The following ARPC2 variants were observed in gnomAD, a reference collection of about 807,000 sequenced individuals.
ARPC2 encodes actin-related protein 2/3 complex subunit 2.
A neutral mutation model predicts 38.6 loss-of-function variants in ARPC2; 4 were observed. The ratio of observed to expected loss-of-function variants is 0.10; its 90% CI spans 0.05 to 0.24. The LOEUF (loss-of-function observed/expected upper bound fraction) is 0.24, where lower values mean the gene tolerates loss of function less well. Ranked by LOEUF, ARPC2 falls within the 10% of genes least tolerant of loss-of-function variation. The pLI is 1.00. For synonymous variants in ARPC2, 125 were observed against 140.8 expected, an observed-to-expected ratio of 0.89 and a Z score of 0.79; for missense variants, 229 against 387.3, an observed-to-expected ratio of 0.59 and a Z score of 3.43.
At chr2:218,217,384 G>A (rs2106139660) in intron 1 of ARPC2, 79 bp from the exon 2 acceptor site, 1 of 1,364,746 alleles carries the variant, frequency 7.3e-7, no homozygotes, top group South Asian at 1.2e-5. Context: ...CCACTCAGGG[G>A]GCAGCAGGGC....
In ARPC2 at chr2:218,254,138, TC is replaced by T; in HGVS notation, c.*224del. 1.9e-6 allele frequency: 1 copy of T among 524,592 alleles called. No homozygotes were observed. The highest frequency in any genetic ancestry group is 3.2e-5 in the East Asian group (1 of 31,704). The allele number at this position is 524,592 out of a possible 1,614,324, so 32.5% of individuals were successfully genotyped here. ...AAAAAAAAAAAAGAATTCCACTTGA[TC>T]AACTTAATTCCTTTTCTTTATCTTC... On this transcript the variant is annotated 3_prime_UTR_variant, in exon 11 of 11. Transcript: ENST00000315717.
intron 5 of ARPC2, among the ~76,000 whole-genome samples, chr2:218,237,375 T>G (rs1411061381): frequency 1.3e-5 from 2 of 151,552 alleles, no homozygotes; most frequent in Non-Finnish European, 2.9e-5. Context: ...AATTTTGTAT[T>G]TTTATTAGAG....
chr2:218,248,165 T>C (rs1690092756), intron 8 of ARPC2, among the ~76,000 whole-genome samples: 2 of 152,194 alleles, frequency 1.3e-5, no homozygotes, highest in Admixed American at 6.5e-5. Flanking sequence ...ATTGGCAGCA[T>C]GTTTCTCTTG....
intron 10 of ARPC2, chr2:218,252,897 CCT>C (rs1450537821): frequency 2.2e-6 from 1 of 456,620 alleles, no homozygotes; most frequent in African/African-American, 2.0e-5. Flanking sequence ...TCATAAGCCT[CCT>C]CTCTGGGACT....
At chr2:218,246,247 G>T (rs988012378) in intron 8 of ARPC2, among the ~76,000 whole-genome samples, 2 of 151,788 alleles carry the variant, frequency 1.3e-5, no homozygotes, top group African/African-American at 4.8e-5. Context: ...TTGAGGCTGG[G>T]TGCGGTGTCT....
chr2:218,223,960 A>G (rs1171676488), intron 2 of ARPC2, among the ~76,000 whole-genome samples: 1 of 152,182 alleles, frequency 6.6e-6, no homozygotes, highest in African/African-American at 2.4e-5. Context: ...ACTCATCGTT[A>G]AGGCACTGAG....
chr2:218,235,279 A>T (rs1348247299), intron 5 of ARPC2: 1 of 161,926 alleles, frequency 6.2e-6, no homozygotes, highest in East Asian at 1.8e-4. Context: ...GGGCTCAAGC[A>T]ATCCTCCCGC....
intron 2 of ARPC2, among the ~76,000 whole-genome samples, chr2:218,219,505 A>G (rs544577343): frequency 5.9e-5 from 9 of 152,002 alleles, no homozygotes; most frequent in Non-Finnish European, 1.3e-4. Context: ...ACGTGCTACC[A>G]CACCTGGCTA....
Position 218,239,437 on chromosome 2 carries a change from G to A in ARPC2, c.502G>A (p.Val168Met). ...KDRVTVVFST[V>M]FKDDDDVVIG... is the part of the protein sequence containing the mutation. The stretch of plus-strand genomic sequence containing the variant: ...CAGAGTCACAGTAGTCTTCAGCACA[G>A]TGTTTAAGGATGACGACGATGTGGT... Residue 168 changes from valine (V) to methionine (M), a missense_variant, in exon 7 of 11, where the codon GTG (valine) becomes ATG (methionine). Physicochemically the swap from Val to Met is conservative, Grantham distance 21 (BLOSUM62 1). Coordinates refer to ENST00000315717, the MANE Select transcript of ARPC2 (RefSeq NM_152862.3). 2 of 1,614,164 alleles carry A rather than the reference G, an allele frequency of 1.2e-6. No homozygotes were observed. The highest frequency in any genetic ancestry group is 1.7e-6 in the Non-Finnish European group (2 of 1,180,004).
intron 2 of ARPC2, among the ~76,000 whole-genome samples, chr2:218,225,213 G>A (rs1487460427): frequency 1.3e-5 from 2 of 152,206 alleles, no homozygotes. Flanking sequence ...CAAAACATGA[G>A]CGTGATGAGA....
chr2:218,235,100 C>T (rs780027701), intron 5 of ARPC2: 2 of 297,552 alleles, frequency 6.7e-6, no homozygotes, highest in Non-Finnish European at 1.3e-5. Context: ...ACTTTGGTAC[C>T]TTGATTAGAA....
At position 218,252,112 on chromosome 2, in the gene ARPC2, A is replaced by T. The variant is rs915079558; in HGVS notation, c.879-1779A>T. Among the ~76,000 whole-genome samples, 6 of 152,096 alleles carry T rather than the reference A, an allele frequency of 3.9e-5. No homozygotes were observed. The East Asian group carries it at 9.7e-4, about 25-fold the overall frequency. On this transcript the variant is annotated intron_variant, in intron 10 of 10. Transcript: ENST00000315717. ...GTAGTGCATGCCTGTAATCCCAGCTACTCTGGAGGCTGAGGCAGGAGAATC... is the reference window on the plus strand; with the variant it reads ...GTAGTGCATGCCTGTAATCCCAGCTTCTCTGGAGGCTGAGGCAGGAGAATC...
intron 7 of ARPC2, among the ~76,000 whole-genome samples, chr2:218,241,003 C>T (rs1689900115): frequency 6.6e-6 from 1 of 152,168 alleles, no homozygotes; most frequent in Admixed American, 6.5e-5. Flanking sequence ...GTTGCTGCCT[C>T]TAGGATGGAC....
chr2:218,236,092 G>A (rs1368083303), intron 5 of ARPC2: 2 of 145,816 alleles, frequency 1.4e-5, no homozygotes, highest in African/African-American at 2.6e-5. Flanking sequence ...TCAGTCTCGA[G>A]AAAAAAAAAA....
intron 4 of ARPC2, among the ~76,000 whole-genome samples, chr2:218,230,293 T>TC (rs1559477677): frequency 8.5e-6 from 1 of 117,454 alleles, no homozygotes; most frequent in Non-Finnish European, 1.6e-5. Flanking sequence ...TTTTCTTTTT[T>TC]TTTTTTTTTT....
intron 3 of ARPC2, among the ~76,000 whole-genome samples, chr2:218,228,373 A>G (rs1436951970): frequency 6.6e-6 from 1 of 152,046 alleles, no homozygotes; most frequent in Non-Finnish European, 1.5e-5. Context: ...ATTGCACTCC[A>G]GCCTGGGTGA....
chr2:218,226,798 CTG>C (rs950766956), intron 3 of ARPC2, among the ~76,000 whole-genome samples: 6 of 151,218 alleles, frequency 4.0e-5, no homozygotes, highest in Non-Finnish European at 7.4e-5. Context: ...TGTGGTAAAA[CTG>C]AGGTTTTTTT....
intron 5 of ARPC2, among the ~76,000 whole-genome samples, chr2:218,237,124 C>T (rs367977281): frequency 6.6e-6 from 1 of 152,188 alleles, no homozygotes; most frequent in East Asian, 1.9e-4. Context: ...GTTCCACACA[C>T]TTTAAGTATT....
Position 218,217,548 on chromosome 2 carries a change from AGC to A in ARPC2, c.74+11_74+12del. 6.2e-7 allele frequency: 1 copy of A among 1,610,808 alleles called. No homozygotes were observed. Among genetic ancestry groups the A allele is most frequent in the Non-Finnish European group, 8.5e-7 (1 of 1,178,474 alleles). On this transcript the variant is annotated splice_donor_5th_base_variant and intron_variant, in intron 2 of 10. Coordinates refer to ENST00000315717, the MANE Select transcript of ARPC2 (RefSeq NM_152862.3). ...AGTTCGAGAACGCGGCCGCCGGGTG[AGC>A]GCGCGCCCGGGGCCGGGGGTGGCGG...
Sources: gnomAD v4.1 joint callset for allele counts (sites outside exome capture counted in the v4.1 genomes callset) on GRCh38, gnomAD v4.1.1 for gene constraint, MANE v1.5 for transcripts, NCBI Gene and HGNC (gene_info 2026-07-23, HGNC 2026-07-21) for gene names.